SS18: variants seen among roughly 807,000 people sequenced by gnomAD.
SS18 encodes the protein protein SSXT.
SS18 carries 28 observed loss-of-function variants against 72.5 expected under a neutral mutation model. That is an observed-to-expected ratio of 0.39 (90% confidence interval 0.29 to 0.53). SS18 has a LOEUF of 0.53. Among genes scored for constraint, SS18 ranks in the 20% least tolerant of loss-of-function variants. The pLI is 0.76. For synonymous variants in SS18, 172 were observed against 164.2 expected, an observed-to-expected ratio of 1.05 and a Z score of -0.37; for missense variants, 518 against 535.3, an observed-to-expected ratio of 0.97 and a Z score of 0.32.
At chr18:26,029,395 C>A (rs1181798702) in intron 10 of SS18, among the ~76,000 whole-genome samples, 2 of 151,684 alleles carry the variant, frequency 1.3e-5, no homozygotes, top group East Asian at 3.9e-4. Flanking sequence ...AGAGGAGGCA[C>A]GATAAAATCA....
rs966289494 is a variant in SS18 at position 26,090,040 on chromosome 18, G to A, written c.69+461C>T. On this transcript the variant is annotated intron_variant, in intron 1 of 10. Transcript: ENST00000415083. Reference sequence around the variant, plus strand: ...CCAAACTCGGCTGAGTTTGCAGGGCGGCGACCAGCGCACCGACTTCCCCTC... The same window carrying A: ...CCAAACTCGGCTGAGTTTGCAGGGCAGCGACCAGCGCACCGACTTCCCCTC... 1.8e-5 allele frequency: 3 copies of A among 163,776 alleles called. No individual in the cohort carries two copies. In the South Asian group the frequency reaches 5.2e-4, roughly 29 times the overall value. The allele number at this position is 163,776 out of a possible 1,614,324, so 10.1% of individuals were successfully genotyped here.
In SS18 at chr18:26,087,532, G is replaced by C. The variant is rs927067846; in HGVS notation, c.115C>G (p.Gln39Glu). 6.3e-7 allele frequency: 1 copy of C among 1,597,332 alleles called. No individual in the cohort carries two copies. The highest frequency in any genetic ancestry group is 8.5e-7 in the Non-Finnish European group (1 of 1,169,860). The change falls in exon 2 of 11, where the codon CAG becomes GAG. Residue 39 changes from glutamine (Q) to glutamate (E), a missense_variant. Gln to Glu is a conservative substitution (Grantham distance 29). Coordinates refer to ENST00000415083, the MANE Select transcript of SS18 (RefSeq NM_001007559.3). Reference sequence around the variant, plus strand: ...CACTCTGAGGTCTTTCCTTTATTCTGAGAGTCCATTATACACTGAATAAGA... The same window carrying C: ...CACTCTGAGGTCTTTCCTTTATTCTCAGAGTCCATTATACACTGAATAAGA... ...NHLIQCIMDS[Q>E]NKGKTSECSQ...
At chr18:26,074,889 T>C (rs1321461497) in intron 3 of SS18, among the ~76,000 whole-genome samples, 1 of 151,854 alleles carries the variant, frequency 6.6e-6, no homozygotes, top group Non-Finnish European at 1.5e-5. Flanking sequence ...AAGTCACAAA[T>C]AATGACATTA....
At chr18:26,082,969 TG>T (rs1265434264) in intron 2 of SS18, among the ~76,000 whole-genome samples, 1 of 152,218 alleles carries the variant, frequency 6.6e-6, no homozygotes, top group East Asian at 1.9e-4. Flanking sequence ...ATGGCTGTCA[TG>T]TATTAACGTT....
intron 10 of SS18, among the ~76,000 whole-genome samples, chr18:26,024,201 G>A (rs1036308719): frequency 1.3e-5 from 2 of 152,148 alleles, no homozygotes; most frequent in African/African-American, 4.8e-5. Context: ...ATTTGAAAAC[G>A]AAATTACAGA....
upstream of SS18, chr18:26,090,632 G>A (rs1018230173): frequency 1.3e-6 from 2 of 1,505,530 alleles, no homozygotes; most frequent in Non-Finnish European, 1.8e-6. Context: ...AACTGGGGGA[G>A]AGACGCCGGC....
At position 26,033,511 on chromosome 18, in the gene SS18, CAAAA is replaced by C. The variant is rs761018834; in HGVS notation, c.1097-983_1097-980del. 3.7e-4 allele frequency among the ~76,000 whole-genome samples: 31 copies of C among 83,484 alleles called. 1 individual carries two copies. Among genetic ancestry groups the C allele is most frequent in the Non-Finnish European group, 2.7e-5 (1 of 37,708 alleles). The allele number at this position is 83,484 out of a possible 152,430, so 54.8% of individuals were successfully genotyped here. On this transcript the variant is annotated intron_variant, in intron 9 of 10. Transcript: ENST00000415083. ...TAGGCAACAAGAGTGAAACTCCGTC[CAAAA>C]AAAAAAAAAAAGCATAAGCTGAAAA...
intron 3 of SS18, among the ~76,000 whole-genome samples, chr18:26,067,350 T>C (rs1195172043): frequency 6.6e-6 from 1 of 152,232 alleles, no homozygotes; most frequent in Non-Finnish European, 1.5e-5. Context: ...GAGAACTAAG[T>C]GTTTTTAATA....
intron 5 of SS18, among the ~76,000 whole-genome samples, chr18:26,039,930 TACTC>T (rs1284211053): frequency 6.6e-6 from 1 of 152,208 alleles, no homozygotes; most frequent in African/African-American, 2.4e-5. Flanking sequence ...TCTTTTTCAA[TACTC>T]ACTCATTATA....
chr18:26,065,245 A>G (rs2144067144), intron 3 of SS18, among the ~76,000 whole-genome samples: 1 of 152,300 alleles, frequency 6.6e-6, no homozygotes, highest in Middle Eastern at 3.4e-3. Context: ...TTTGCATGAA[A>G]ATGCAAAGGA....
At chr18:26,082,458 C>T (rs2054542033) in intron 2 of SS18, 13 of 981,952 alleles carry the variant, frequency 1.3e-5, no homozygotes, top group Non-Finnish European at 1.5e-5. Context: ...TTTTAAATTA[C>T]GATGAATGAT....
chr18:26,060,306 A>G (rs2054096404), intron 3 of SS18, among the ~76,000 whole-genome samples: 2 of 152,190 alleles, frequency 1.3e-5, no homozygotes, highest in Admixed American at 1.3e-4. Flanking sequence ...GGCCACATAA[A>G]TTGTATGATT....
chr18:26,051,757 T>C (rs567054168), intron 5 of SS18, among the ~76,000 whole-genome samples: 2 of 152,330 alleles, frequency 1.3e-5, no homozygotes, highest in Admixed American at 6.5e-5. Flanking sequence ...TTGGCAATTT[T>C]TTCTATTATC....
intron 2 of SS18, chr18:26,080,350 T>C (rs563260172): frequency 3.0e-5 from 30 of 984,510 alleles, no homozygotes; most frequent in Admixed American, 1.8e-4. Flanking sequence ...TGAGTATTAG[T>C]ATGGTTGCAC....
At chr18:26,047,579 T>TG (rs1200836973) in intron 5 of SS18, among the ~76,000 whole-genome samples, 2 of 152,110 alleles carry the variant, frequency 1.3e-5, no homozygotes, top group East Asian at 3.8e-4. Context: ...GGCTCATGCC[T>TG]GTCTGTAATC....
At position 26,032,516 on chromosome 18, in the gene SS18, A is replaced by C; in HGVS notation, c.1113T>G (p.Gly371=). 1.2e-6 allele frequency: 2 copies of C among 1,613,692 alleles called. No homozygotes were observed. The highest frequency in any genetic ancestry group is 1.7e-6 in the Non-Finnish European group (2 of 1,179,770). ...QQQGYGPSQG[G]PGPQYPNYPQ... ...GGTAGTTAGGATACTGAGGACCTGG[A>C]CCACCCTGTGAAGGACCTGAAAATA... Residue 371 remains glycine, a synonymous_variant, in exon 10 of 11, where the codon GGT becomes GGG. Transcript: ENST00000415083.
intron 10 of SS18, among the ~76,000 whole-genome samples, chr18:26,029,583 C>CT (rs1218396469): frequency 3.3e-5 from 5 of 152,058 alleles, no homozygotes; most frequent in Admixed American, 1.3e-4. Context: ...AAAGATGACT[C>CT]TAGATTTTTA....
intron 1 of SS18, 75 bp from the exon 2 acceptor site, chr18:26,087,652 G>C (rs1181298256): frequency 3.5e-6 from 3 of 854,120 alleles, no homozygotes; most frequent in African/African-American, 1.7e-5. Context: ...AATTCAGAAA[G>C]GGAGGGCATT....
chr18:26,051,421 T>C (rs1433642479), intron 5 of SS18, among the ~76,000 whole-genome samples: 1 of 152,246 alleles, frequency 6.6e-6, no homozygotes, highest in African/African-American at 2.4e-5. Flanking sequence ...CGAATCTTAT[T>C]ATGTCATATC....
Sources: allele counts gnomAD v4.1 joint callset (sites outside exome capture counted in the v4.1 genomes callset), GRCh38; gene constraint gnomAD v4.1.1; transcripts MANE v1.5; gene names NCBI Gene and HGNC (gene_info 2026-07-23, HGNC 2026-07-21).